The following ZNF577 variants were observed in gnomAD, a reference collection of about 807,000 sequenced individuals.
The protein encoded by ZNF577 is zinc finger protein 577.
Under a neutral mutation model 13.9 loss-of-function variants are expected in ZNF577, and 14 were observed. The ratio of observed to expected loss-of-function variants is 1.00; its 90% CI spans 0.66 to 1.57. The LOEUF is 1.57. Ranked by LOEUF, ZNF577 falls within the 40% of genes most tolerant of loss-of-function variation. The probability of loss-of-function intolerance (pLI) is 0.00; values close to 1 mark genes in which losing one functional copy is unlikely to be tolerated. For synonymous variants in ZNF577, 203 were observed against 202.9 expected, an observed-to-expected ratio of 1.00 and a Z score of 0.00; for missense variants, 555 against 579.2, an observed-to-expected ratio of 0.96 and a Z score of 0.43.
chr19:51,808,229 T>A (rs879349176), intron 10 of ZNF577, among the ~76,000 whole-genome samples: 1 of 152,252 alleles, frequency 6.6e-6, no homozygotes, highest in African/African-American at 2.4e-5. Context: ...TATCTCCTAA[T>A]AACTGCTGAA....
chr19:51,848,617 G>A (rs990096920), intron 5 of ZNF577, among the ~76,000 whole-genome samples: 4 of 152,156 alleles, frequency 2.6e-5, no homozygotes, highest in Non-Finnish European at 4.4e-5. Flanking sequence ...CTAATGTAAA[G>A]ATGCCTGTGG....
intron 8 of ZNF577, among the ~76,000 whole-genome samples, chr19:51,841,381 CAG>C (rs1485094911): frequency 2.6e-5 from 4 of 152,168 alleles, no homozygotes; most frequent in African/African-American, 9.7e-5. Context: ...CAAAACCTAA[CAG>C]AAATTTCGCT....
At chr19:51,876,032 G>A (rs1427462060) in intron 5 of ZNF577, among the ~76,000 whole-genome samples, 1 of 152,198 alleles carries the variant, frequency 6.6e-6, no homozygotes, top group Non-Finnish European at 1.5e-5. Flanking sequence ...TGCACAGGGA[G>A]GGAAAGGATT....
chr19:51,817,562 A>G (rs1029434181), intron 9 of ZNF577: 2 of 152,104 alleles, frequency 1.3e-5, no homozygotes, highest in African/African-American at 4.8e-5. Flanking sequence ...TGTATGGAAA[A>G]AGCAACTTTG....
chr19:51,849,169 C>G (rs747056417), intron 5 of ZNF577, among the ~76,000 whole-genome samples: 9 of 152,106 alleles, frequency 5.9e-5, no homozygotes, highest in Non-Finnish European at 1.2e-4. Flanking sequence ...GTGTCATTAC[C>G]TACTCTTCTC....
At chr19:51,857,207 G>A (rs2084432166) in intron 5 of ZNF577, among the ~76,000 whole-genome samples, 1 of 152,008 alleles carries the variant, frequency 6.6e-6, no homozygotes, top group Non-Finnish European at 1.5e-5. Context: ...GCTGAGGCAG[G>A]AGAATCGCTT....
At chr19:51,813,028 G>T (rs1375265477) in intron 9 of ZNF577, among the ~76,000 whole-genome samples, 1 of 151,424 alleles carries the variant, frequency 6.6e-6, no homozygotes, top group Non-Finnish European at 1.5e-5. Flanking sequence ...CTGAGGTAAG[G>T]GAATTGGTTG....
At position 51,878,531 on chromosome 19, in the gene ZNF577, C is replaced by T; in HGVS notation, c.61-16G>A. On this transcript the variant is annotated splice_polypyrimidine_tract_variant and intron_variant, in intron 3 of 5. Coordinates refer to ENST00000638348, the MANE Select transcript of ZNF577 (RefSeq NM_001370449.1). Reference sequence around the variant, plus strand: ...ACAATGACCCCTATAATAACAATTCCAATGCAATCTGAGGTGGATAACAAT... The same window carrying T: ...ACAATGACCCCTATAATAACAATTCTAATGCAATCTGAGGTGGATAACAAT... 6.2e-7 allele frequency: 1 copy of T among 1,613,440 alleles called. No individual in the cohort carries two copies. Among genetic ancestry groups the T allele is most frequent in the Non-Finnish European group, 8.5e-7 (1 of 1,179,562 alleles).
chr19:51,814,466 C>T (rs1315749996), intron 9 of ZNF577, among the ~76,000 whole-genome samples: 1 of 149,994 alleles, frequency 6.7e-6, no homozygotes, highest in African/African-American at 2.5e-5. Context: ...GCATCTGCCT[C>T]ACCTCTCAAG....
chr19:51,831,332 G>A (rs1465125152), intron 9 of ZNF577, among the ~76,000 whole-genome samples: 1 of 152,116 alleles, frequency 6.6e-6, no homozygotes, highest in Non-Finnish European at 1.5e-5. Flanking sequence ...GGCCAGGCTG[G>A]TCTCAAACTC....
intron 5 of ZNF577, among the ~76,000 whole-genome samples, chr19:51,875,363 C>CAAAAAA (rs538987406): frequency 4.7e-5 from 3 of 63,772 alleles, no homozygotes; most frequent in African/African-American, 9.3e-5. Flanking sequence ...AACTCTGTCA[C>CAAAAAA]AAAAAAAAAA....
At chr19:51,839,231 A>C (rs2084305645) in intron 9 of ZNF577, among the ~76,000 whole-genome samples, 1 of 152,202 alleles carries the variant, frequency 6.6e-6, no homozygotes, top group Non-Finnish European at 1.5e-5. Flanking sequence ...GGATTCATCA[A>C]GAAATAAATT....
intron 9 of ZNF577, among the ~76,000 whole-genome samples, chr19:51,836,915 G>A (rs1222568724): frequency 1.3e-5 from 2 of 151,702 alleles, no homozygotes; most frequent in Non-Finnish European, 2.9e-5. Context: ...ATGGTGGCAC[G>A]CACCTGTAAT....
chr19:51,858,676 G>A (rs1162754663), intron 5 of ZNF577, among the ~76,000 whole-genome samples: 3 of 151,904 alleles, frequency 2.0e-5, no homozygotes, highest in African/African-American at 7.3e-5. Flanking sequence ...AAATAAGTCA[G>A]TTATTTCACA....
chr19:51,811,402 G>C (rs28873836), intron 10 of ZNF577: 36,263 of 152,006 alleles, frequency 0.24, 4,635 homozygotes, highest in Middle Eastern at 0.33. Context: ...CCATGTTACC[G>C]TGATTCAGAA....
In ZNF577 at chr19:51,808,387, C is replaced by G. The variant is rs116259082; in HGVS notation, c.*817+3070G>C. 3.0e-3 allele frequency among the ~76,000 whole-genome samples: 456 copies of G among 152,238 alleles called. 2 individuals are homozygous for G. The highest frequency in any genetic ancestry group is 0.011 in the African/African-American group (442 of 41,544). On this transcript the variant is annotated intron_variant and NMD_transcript_variant, in intron 10 of 10. Coordinates refer to the ZNF577 transcript ENST00000638827. ...ATTTTGAGATTCCATTTAGTCAAAG[C>G]CTGCTTTGTTTCTCTGAATAACTGA...
chr19:51,827,696 TTAAG>T (rs1299485125), intron 9 of ZNF577, among the ~76,000 whole-genome samples: 6 of 152,216 alleles, frequency 3.9e-5, no homozygotes, highest in Non-Finnish European at 8.8e-5. Context: ...GAGTTTCTGC[TTAAG>T]TAAACTACTC....
intron 5 of ZNF577, among the ~76,000 whole-genome samples, chr19:51,876,926 C>CA (rs536127907): frequency 0.03 from 1,831 of 60,518 alleles, 50 homozygotes; most frequent in African/African-American, 0.081. Context: ...GACTCCGTCT[C>CA]AAAAAAAAAA....
At position 51,873,709 on chromosome 19, in the gene ZNF577, A is replaced by C; in HGVS notation, c.284-3T>G. 6.3e-7 allele frequency: 1 copy of C among 1,592,252 alleles called. No homozygotes were observed. The highest frequency in any genetic ancestry group is 8.6e-7 in the Non-Finnish European group (1 of 1,168,762). On this transcript the variant is annotated splice_region_variant and splice_polypyrimidine_tract_variant and intron_variant, in intron 5 of 5. Coordinates refer to ENST00000638348, the MANE Select transcript of ZNF577 (RefSeq NM_001370449.1). ...TCTTCTACTCTGGATTACAAAACCT[A>C]AATGAGATTTCAAACTTTTACAATG...
Sources: allele counts gnomAD v4.1 joint callset (sites outside exome capture counted in the v4.1 genomes callset), GRCh38; gene constraint gnomAD v4.1.1; transcripts MANE v1.5; gene names NCBI Gene and HGNC (gene_info 2026-07-23, HGNC 2026-07-21).